The following SIAH3 variants were observed in gnomAD, a reference collection of about 807,000 sequenced individuals.
SIAH3 encodes the protein siah E3 ubiquitin protein ligase family member 3.
Under a neutral mutation model 12.6 loss-of-function variants are expected in SIAH3, and 9 were observed. The observed-to-expected ratio is 0.72, with a 90% CI of 0.43 to 1.25. The LOEUF (loss-of-function observed/expected upper bound fraction) is 1.25. Ranked by LOEUF, SIAH3 falls within the 50% of genes most tolerant of loss-of-function variation. The pLI is 0.00. For missense variants in SIAH3, 390 were observed against 365.4 expected (o/e 1.07, Z -0.55); for synonymous variants, 154 against 151.1 (o/e 1.02, Z -0.14).
At chr13:45,813,297 T>G (rs886527476) in intron 1 of SIAH3, among the ~76,000 whole-genome samples, 1 of 152,218 alleles carries the variant, frequency 6.6e-6, no homozygotes, top group Non-Finnish European at 1.5e-5. Flanking sequence ...GATGCTGTCA[T>G]GCAGTTGAAA....
chr13:45,825,017 C>T (rs1049416535), intron 1 of SIAH3, among the ~76,000 whole-genome samples: 2 of 151,864 alleles, frequency 1.3e-5, no homozygotes, highest in African/African-American at 4.8e-5. Context: ...AAGCGGTATG[C>T]AAACGTACGG....
At chr13:45,842,933 C>T (rs914089115) in intron 1 of SIAH3, among the ~76,000 whole-genome samples, 11 of 152,136 alleles carry the variant, frequency 7.2e-5, no homozygotes, top group Admixed American at 4.6e-4. Flanking sequence ...CAGTATTCCG[C>T]ACCCACTGGG....
chr13:45,826,397 A>ATGGGTGAG lies in SIAH3; in HGVS notation c.135+25097_135+25098insCTCACCCA, dbSNP rs1566094857. Among the ~76,000 whole-genome samples, 2 of 66,050 alleles carry ATGGGTGAG rather than the reference A, an allele frequency of 3.0e-5. 1 individual carries two copies. Among genetic ancestry groups the ATGGGTGAG allele is most frequent in the African/African-American group, 1.3e-4 (2 of 15,534 alleles). 43.3% of individuals were successfully genotyped at this position (66,050 alleles called of 152,430 possible). The stretch of plus-strand genomic sequence containing the variant: ...GATGAATGAATGGATGGATGGATGG[A>ATGGGTGAG]TGGATGGATGGATGGATGGATGGAT... On this transcript the variant is annotated intron_variant, in intron 1 of 1. Transcript: ENST00000400405.
chr13:45,848,960 G>A (rs558092914), intron 1 of SIAH3, among the ~76,000 whole-genome samples: 50 of 152,144 alleles, frequency 3.3e-4, no homozygotes, highest in Non-Finnish European at 6.3e-4. Context: ...GCATATTTCC[G>A]TGGTCTGTTT....
intron 1 of SIAH3, among the ~76,000 whole-genome samples, chr13:45,838,564 C>A (rs1034569685): frequency 6.6e-6 from 1 of 152,110 alleles, no homozygotes; most frequent in East Asian, 1.9e-4. Context: ...CAGGCCACCA[C>A]GCTGGGGGGC....
At chr13:45,822,553 A>ATATATATATATATATATG (rs1950659752) in intron 1 of SIAH3, among the ~76,000 whole-genome samples, 1 of 139,730 alleles carries the variant, frequency 7.2e-6, no homozygotes. Flanking sequence ...ATATATATAT[A>ATATATATATATATATATG]TATTAGACTA....
At chr13:45,833,489 A>ACG (rs1002574685) in intron 1 of SIAH3, among the ~76,000 whole-genome samples, 1 of 144,740 alleles carries the variant, frequency 6.9e-6, no homozygotes, top group Non-Finnish European at 1.5e-5. Context: ...GCACACACAC[A>ACG]CACGCACACA....
At chr13:45,834,003 A>G (rs1222518671) in intron 1 of SIAH3, among the ~76,000 whole-genome samples, 1 of 136,668 alleles carries the variant, frequency 7.3e-6, no homozygotes, top group Non-Finnish European at 1.5e-5. Flanking sequence ...ACTGAGGTCA[A>G]AAAGAAAAAA....
At chr13:45,792,679 T>G (rs7317394) in intron 1 of SIAH3, among the ~76,000 whole-genome samples, 2,826 of 152,200 alleles carry the variant, frequency 0.019, 80 homozygotes, top group African/African-American at 0.064. Flanking sequence ...ATTATTAAGG[T>G]AGGAGGACAG....
intron 1 of SIAH3, among the ~76,000 whole-genome samples, chr13:45,809,531 G>A (rs79510378): frequency 0.012 from 1,804 of 152,252 alleles, 49 homozygotes; most frequent in African/African-American, 0.042. Flanking sequence ...CTCTAGCCTG[G>A]CTAAGATTGA....
chr13:45,807,123 C>T (rs907242381), intron 1 of SIAH3, among the ~76,000 whole-genome samples: 1 of 151,916 alleles, frequency 6.6e-6, no homozygotes, highest in African/African-American at 2.4e-5. Context: ...GAAACAGTCA[C>T]AGGCTATAAG....
chr13:45,814,780 C>T (rs951573378), intron 1 of SIAH3, among the ~76,000 whole-genome samples: 1 of 150,768 alleles, frequency 6.6e-6, no homozygotes, highest in South Asian at 2.1e-4. Flanking sequence ...GGCTGGAGTG[C>T]AGTGGTGCGA....
At chr13:45,826,393 A>G (rs143840098) in intron 1 of SIAH3, among the ~76,000 whole-genome samples, 10,466 of 32,488 alleles carry the variant, frequency 0.32, 5,159 homozygotes, top group African/African-American at 0.43. Context: ...GGATGGATGG[A>G]TGGATGGATG....
chr13:45,788,457 A>G (rs919599414), intron 1 of SIAH3, among the ~76,000 whole-genome samples: 2 of 152,166 alleles, frequency 1.3e-5, no homozygotes, highest in Non-Finnish European at 2.9e-5. Flanking sequence ...TTAACTTCCC[A>G]TTTGGAAGAG....
At chr13:45,797,962 CTTGAT>C (rs1950568888) in intron 1 of SIAH3, among the ~76,000 whole-genome samples, 1 of 152,120 alleles carries the variant, frequency 6.6e-6, no homozygotes, top group African/African-American at 2.4e-5. Context: ...GAGGGAATGC[CTTGAT>C]TTGTTAGTCA....
At chr13:45,833,440 A>G (rs1033595608) in intron 1 of SIAH3, among the ~76,000 whole-genome samples, 1 of 152,022 alleles carries the variant, frequency 6.6e-6, no homozygotes, top group Non-Finnish European at 1.5e-5. Flanking sequence ...GTTATTCTAC[A>G]TGGCGCTCAT....
intron 1 of SIAH3, among the ~76,000 whole-genome samples, chr13:45,805,496 A>C (rs1355542160): frequency 6.6e-6 from 1 of 152,234 alleles, no homozygotes; most frequent in Non-Finnish European, 1.5e-5. Flanking sequence ...CCTATTCAAT[A>C]AATTGTGCTG....
intron 1 of SIAH3, among the ~76,000 whole-genome samples, chr13:45,846,084 C>CTT (rs386379026): frequency 0.041 from 3,540 of 85,542 alleles, 487 homozygotes; most frequent in African/African-American, 0.15. Flanking sequence ...GACCTAACTT[C>CTT]TTTTTTTTTT....
chr13:45,811,530 A>G (rs1315476740), intron 1 of SIAH3, among the ~76,000 whole-genome samples: 2 of 152,046 alleles, frequency 1.3e-5, no homozygotes, highest in East Asian at 1.9e-4. Context: ...TGGTATGATC[A>G]AGGCTCACTG....
Sources: allele counts gnomAD v4.1 joint callset (sites outside exome capture counted in the v4.1 genomes callset), GRCh38; gene constraint gnomAD v4.1.1; transcripts MANE v1.5; gene names NCBI Gene and HGNC (gene_info 2026-07-23, HGNC 2026-07-21).